Variants in PARP8 observed in about 807,000 individuals in gnomAD.
PARP8 encodes protein mono-ADP-ribosyltransferase PARP8.
Under a neutral mutation model 124.1 loss-of-function variants are expected in PARP8, and 51 were observed. The ratio of observed to expected loss-of-function variants is 0.41; its 90% CI spans 0.33 to 0.52. The LOEUF is 0.52. Among genes scored for constraint, PARP8 ranks in the 20% least tolerant of loss-of-function variants. PARP8 has a pLI of 0.21. For missense variants in PARP8, 860 were observed against 1,018.9 expected (o/e 0.84, Z 2.12); for synonymous variants, 391 against 361.5 (o/e 1.08, Z -0.93).
chr5:50,668,148 T>C (rs763522454), intron 2 of PARP8, 23 bp downstream of exon 2: 19 of 1,562,440 alleles, frequency 1.2e-5, no homozygotes, highest in Non-Finnish European at 1.7e-5. Flanking sequence ...ATAGAGTTGC[T>C]TCATTTCCTG....
chr5:50,819,387 C>G (rs554393894), intron 15 of PARP8, among the ~76,000 whole-genome samples: 4 of 151,012 alleles, frequency 2.6e-5, no homozygotes, highest in Admixed American at 1.3e-4. Flanking sequence ...GTGTCATTCC[C>G]CTCCTCCCTA....
chr5:50,713,178 T>C (rs1392183908), intron 2 of PARP8, among the ~76,000 whole-genome samples: 2 of 152,090 alleles, frequency 1.3e-5, no homozygotes, highest in African/African-American at 4.8e-5. Flanking sequence ...AATAAGTTAA[T>C]TATCCAAAGG....
intron 2 of PARP8, among the ~76,000 whole-genome samples, chr5:50,672,408 A>G (rs1750134715): frequency 6.6e-6 from 1 of 152,210 alleles, no homozygotes; most frequent in African/African-American, 2.4e-5. Context: ...CTGGCAGACA[A>G]GAAGGAATTT....
At chr5:50,675,353 G>T (rs1467515927) in intron 2 of PARP8, among the ~76,000 whole-genome samples, 1 of 152,202 alleles carries the variant, frequency 6.6e-6, no homozygotes, top group Non-Finnish European at 1.5e-5. Context: ...TGCCCAGGCT[G>T]GAGTGCAGTG....
intron 9 of PARP8, among the ~76,000 whole-genome samples, chr5:50,784,569 C>G (rs76682525): frequency 0.03 from 4,543 of 152,132 alleles, 97 homozygotes; most frequent in Non-Finnish European, 0.043. Flanking sequence ...GAATAATTTC[C>G]ACATATCTTG....
intron 2 of PARP8, among the ~76,000 whole-genome samples, chr5:50,674,191 T>C (rs960523153): frequency 6.6e-6 from 1 of 152,194 alleles, no homozygotes; most frequent in Non-Finnish European, 1.5e-5. Flanking sequence ...ACCTGAGTAT[T>C]TGTCATTTTC....
intron 14 of PARP8, among the ~76,000 whole-genome samples, chr5:50,810,425 CTA>C (rs1477546752): frequency 5.9e-5 from 9 of 152,124 alleles, no homozygotes; most frequent in Admixed American, 3.9e-4. Flanking sequence ...CTTAAAATGA[CTA>C]TGTGCGTTTT....
At chr5:50,689,437 T>C (rs1005758409) in intron 2 of PARP8, among the ~76,000 whole-genome samples, 1 of 152,178 alleles carries the variant, frequency 6.6e-6, no homozygotes, top group African/African-American at 2.4e-5. Context: ...GGGAGTCAGA[T>C]TGAAGAACCA....
At chr5:50,769,244 A>G (rs1416169787) in intron 7 of PARP8, among the ~76,000 whole-genome samples, 1 of 152,020 alleles carries the variant, frequency 6.6e-6, no homozygotes, top group Non-Finnish European at 1.5e-5. Context: ...AAAACTATTT[A>G]TGGGGAAAAC....
chr5:50,678,575 A>T (rs1750906545), intron 2 of PARP8, among the ~76,000 whole-genome samples: 1 of 152,164 alleles, frequency 6.6e-6, no homozygotes, highest in Non-Finnish European at 1.5e-5. Flanking sequence ...TATGAGAGAG[A>T]AATGGAGATT....
intron 2 of PARP8, among the ~76,000 whole-genome samples, chr5:50,703,082 C>T (rs1753763084): frequency 6.6e-6 from 1 of 152,110 alleles, no homozygotes; most frequent in South Asian, 2.1e-4. Context: ...GGCAGCATCA[C>T]TTGAGCCCAA....
At chr5:50,712,304 C>T (rs1364094424) in intron 2 of PARP8, among the ~76,000 whole-genome samples, 1 of 152,060 alleles carries the variant, frequency 6.6e-6, no homozygotes, top group Non-Finnish European at 1.5e-5. Context: ...TCTGGGAAAT[C>T]TTCTGTTTCC....
chr5:50,742,762 T>C (rs140752609), intron 2 of PARP8, among the ~76,000 whole-genome samples: 1 of 152,298 alleles, frequency 6.6e-6, no homozygotes, highest in Non-Finnish European at 1.5e-5. Context: ...TTCATTGTCC[T>C]TTCCAGCAGC....
At chr5:50,829,422 T>G (rs1746702306) in intron 21 of PARP8, among the ~76,000 whole-genome samples, 1 of 152,102 alleles carries the variant, frequency 6.6e-6, no homozygotes, top group African/African-American at 2.4e-5. Context: ...AGAAAGAAAT[T>G]TAGTTGATCT....
At chr5:50,725,115 T>C (rs1210192742) in intron 2 of PARP8, among the ~76,000 whole-genome samples, 1 of 151,132 alleles carries the variant, frequency 6.6e-6, no homozygotes. Context: ...ATGTATACTA[T>C]ATATGTATAG....
intron 2 of PARP8, among the ~76,000 whole-genome samples, chr5:50,698,259 C>G (rs937419282): frequency 2.0e-5 from 3 of 152,166 alleles, no homozygotes; most frequent in Admixed American, 1.3e-4. Flanking sequence ...ATAATATTTT[C>G]TAATTGATTT....
At position 50,843,860 on chromosome 5, in the gene PARP8, G is replaced by A. The variant is rs576240566; in HGVS notation, c.*1792G>A. 4 of 151,758 alleles carry A rather than the reference G, an allele frequency of 2.6e-5. No individual in the cohort carries two copies. The highest frequency in any genetic ancestry group is 7.2e-5 in the African/African-American group (3 of 41,476). 9.4% of individuals were successfully genotyped at this position (151,758 alleles called of 1,614,324 possible). A position where few individuals can be genotyped will look rare whatever the true frequency, so the allele number is the denominator to read the frequency against. ...TTATTTTTTTGAAATTAGTCTATACGTTAGACAGTCTATACATGACAAACA... is the reference window on the plus strand; with the variant it reads ...TTATTTTTTTGAAATTAGTCTATACATTAGACAGTCTATACATGACAAACA... On this transcript the variant is annotated 3_prime_UTR_variant, in exon 26 of 26. Transcript: ENST00000281631.
intron 1 of PARP8, 86 bp from the exon 2 acceptor site, chr5:50,667,985 C>T (rs905266025): frequency 6.2e-7 from 1 of 1,606,320 alleles, no homozygotes; most frequent in Non-Finnish European, 8.5e-7. Context: ...CCTCCCCTGA[C>T]ACCACCGAAT....
chr5:50,728,730 A>G (rs1418857524), intron 2 of PARP8, among the ~76,000 whole-genome samples: 2 of 152,134 alleles, frequency 1.3e-5, no homozygotes, highest in Non-Finnish European at 2.9e-5. Flanking sequence ...TTTAATATCA[A>G]GGAAGTTAGC....
Sources: allele counts gnomAD v4.1 joint callset (sites outside exome capture counted in the v4.1 genomes callset), GRCh38; gene constraint gnomAD v4.1.1; transcripts MANE v1.5; gene names NCBI Gene and HGNC (gene_info 2026-07-23, HGNC 2026-07-21).